The following PTPRK variants were observed in gnomAD, a reference collection of about 807,000 sequenced individuals.
PTPRK encodes the protein receptor-type tyrosine-protein phosphatase kappa.
Under a neutral mutation model 178.0 loss-of-function variants are expected in PTPRK, and 75 were observed. That is an observed-to-expected ratio of 0.42 (90% confidence interval 0.35 to 0.51). PTPRK has a LOEUF of 0.51. Ranked by LOEUF, PTPRK falls within the 20% of genes least tolerant of loss-of-function variation. The pLI, the probability that PTPRK is intolerant of heterozygous loss-of-function variation, is 0.02. For missense variants in PTPRK, 1,441 were observed against 1,797.8 expected, an observed-to-expected ratio of 0.80 and a Z score of 3.59; for synonymous variants, 637 against 620.6, an observed-to-expected ratio of 1.03 and a Z score of -0.39.
intron 7 of PTPRK, among the ~76,000 whole-genome samples, chr6:128,094,451 G>C (rs1028634168): frequency 6.6e-6 from 1 of 152,078 alleles, no homozygotes; most frequent in African/African-American, 2.4e-5. Flanking sequence ...ACTTGGATTT[G>C]AGTTATGTGA....
intron 7 of PTPRK, among the ~76,000 whole-genome samples, chr6:128,125,908 G>A (rs929641335): frequency 4.0e-5 from 6 of 151,788 alleles, no homozygotes; most frequent in East Asian, 1.9e-4. Context: ...GTGCCCAGTC[G>A]CCTTTGGGGT....
chr6:128,506,403 C>T (rs1856345774), intron 1 of PTPRK, among the ~76,000 whole-genome samples: 1 of 152,072 alleles, frequency 6.6e-6, no homozygotes, highest in African/African-American at 2.4e-5. Context: ...CCAAAAACTT[C>T]CCACCTCCCT....
chr6:128,364,772 A>G (rs2128344234), intron 2 of PTPRK, among the ~76,000 whole-genome samples: 1 of 152,226 alleles, frequency 6.6e-6, no homozygotes. Flanking sequence ...AAAATATAGT[A>G]ATGAATAGTC....
intron 7 of PTPRK, among the ~76,000 whole-genome samples, chr6:128,172,393 G>C (rs1247540566): frequency 6.6e-6 from 1 of 151,856 alleles, no homozygotes; most frequent in Non-Finnish European, 1.5e-5. Flanking sequence ...CTGAAAGAGA[G>C]ATAGGTGCTT....
intron 6 of PTPRK, among the ~76,000 whole-genome samples, chr6:128,197,945 A>G (rs1805203650): frequency 1.3e-5 from 2 of 152,170 alleles, no homozygotes; most frequent in African/African-American, 4.8e-5. Flanking sequence ...CACTTGTTCT[A>G]GGTGCCACCA....
In PTPRK at chr6:127,982,917, G is replaced by T. The variant is rs755943623; in HGVS notation, c.3451C>A (p.Pro1151Thr). ...EACLCGETAI[P>T]VCEFKAAYFD... is the part of the protein sequence containing the mutation. ...TATGCAGCTTTAAATTCACAGACAGGTATGGCAGTTTCTCCACATAAGCAG... is the reference window on the plus strand; with the variant it reads ...TATGCAGCTTTAAATTCACAGACAGTTATGGCAGTTTCTCCACATAAGCAG... The change falls in exon 24 of 30, where the codon CCT becomes ACT. Residue 1151 changes from proline to threonine, a missense_variant. By Grantham distance (38) the Pro-to-Thr change is conservative (BLOSUM62 -1). Coordinates refer to ENST00000368226, the MANE Select transcript of PTPRK (RefSeq NM_002844.4). The T allele has an allele frequency of 6.2e-7, 1 of 1,612,160 alleles. No individual in the cohort carries two copies. Among genetic ancestry groups the T allele is most frequent in the South Asian group, 1.1e-5 (1 of 91,042 alleles).
chr6:128,441,101 G>GAA (rs770013989), intron 1 of PTPRK, among the ~76,000 whole-genome samples: 1 of 151,914 alleles, frequency 6.6e-6, no homozygotes, highest in South Asian at 2.1e-4. Flanking sequence ...TCTTAGAGGT[G>GAA]AAAAAAATGA....
chr6:128,466,624 T>G (rs1292378357), intron 1 of PTPRK, among the ~76,000 whole-genome samples: 1 of 152,124 alleles, frequency 6.6e-6, no homozygotes, highest in African/African-American at 2.4e-5. Context: ...CATTTAAAAA[T>G]AAATTATTTT....
intron 15 of PTPRK, chr6:128,000,407 T>C (rs1777689967): frequency 1.0e-6 from 1 of 956,156 alleles, no homozygotes; most frequent in Non-Finnish European, 1.4e-6. Flanking sequence ...GCATTTATCT[T>C]TACTCCCTCT....
chr6:128,078,718 G>A, intron 11 of PTPRK, 95 bp downstream of exon 11: 1 of 813,952 alleles, frequency 1.2e-6, no homozygotes, highest in East Asian at 2.5e-5. Flanking sequence ...GTCTGTATAG[G>A]GTTTGTTATC....
At chr6:128,271,342 G>A (rs572888181) in intron 3 of PTPRK, among the ~76,000 whole-genome samples, 2 of 152,258 alleles carry the variant, frequency 1.3e-5, no homozygotes, top group Non-Finnish European at 2.9e-5. Flanking sequence ...CAGGGATGGA[G>A]AGGGGACCGG....
chr6:128,294,679 G>C (rs915629796), intron 3 of PTPRK, among the ~76,000 whole-genome samples: 1 of 152,084 alleles, frequency 6.6e-6, no homozygotes, highest in South Asian at 2.1e-4. Flanking sequence ...AAATATATCT[G>C]CAGTAAAAAA....
intron 6 of PTPRK, among the ~76,000 whole-genome samples, chr6:128,190,423 ATTGAG>A (rs1372971353): frequency 6.6e-6 from 1 of 150,502 alleles, no homozygotes; most frequent in African/African-American, 2.4e-5. Flanking sequence ...CACTGATAGA[ATTGAG>A]TTAAATTTGT....
At chr6:128,423,763 G>A (rs1043670548) in intron 1 of PTPRK, among the ~76,000 whole-genome samples, 9 of 152,196 alleles carry the variant, frequency 5.9e-5, no homozygotes, top group Middle Eastern at 3.4e-3. Flanking sequence ...AGGAGGCAGA[G>A]GCTGCAGTGA....
chr6:128,201,689 T>C (rs1805984884), intron 6 of PTPRK, among the ~76,000 whole-genome samples: 1 of 151,736 alleles, frequency 6.6e-6, no homozygotes. Context: ...TGAGACCCCA[T>C]CTCTATTAAA....
At chr6:128,510,378 C>T (rs571879169) in intron 1 of PTPRK, among the ~76,000 whole-genome samples, 1 of 152,322 alleles carries the variant, frequency 6.6e-6, no homozygotes, top group South Asian at 2.1e-4. Flanking sequence ...ACATTTTATT[C>T]ATTATTCAGT....
chr6:128,342,618 T>C (rs947460190), intron 2 of PTPRK, among the ~76,000 whole-genome samples: 1 of 151,976 alleles, frequency 6.6e-6, no homozygotes, highest in Non-Finnish European at 1.5e-5. Context: ...CCACCCTGAA[T>C]AGCAGTGTGC....
At chr6:128,144,262 C>T (rs1017961671) in intron 7 of PTPRK, among the ~76,000 whole-genome samples, 4 of 152,130 alleles carry the variant, frequency 2.6e-5, no homozygotes, top group Non-Finnish European at 5.9e-5. Flanking sequence ...ATAAAAATAA[C>T]TTACCAAATA....
chr6:128,056,461 A>G (rs1319487754), intron 13 of PTPRK, among the ~76,000 whole-genome samples: 3 of 149,530 alleles, frequency 2.0e-5, no homozygotes, highest in African/African-American at 7.4e-5. Context: ...GTCTCTCACT[A>G]TCTCCCGGGC....
Sources: allele counts gnomAD v4.1 joint callset (sites outside exome capture counted in the v4.1 genomes callset), GRCh38; gene constraint gnomAD v4.1.1; transcripts MANE v1.5; gene names NCBI Gene and HGNC (gene_info 2026-07-23, HGNC 2026-07-21).